The following SASH3 variants were observed in gnomAD, a reference collection of about 807,000 sequenced individuals.
SASH3 encodes SAM and SH3 domain-containing protein 3.
In SASH3, 7 loss-of-function variants were observed where a neutral mutation model predicts 26.1. The observed-to-expected ratio is 0.27, with a 90% CI of 0.15 to 0.50. The LOEUF is 0.50. Among genes scored for constraint, SASH3 ranks in the 20% least tolerant of loss-of-function variants. The pLI is 0.98. For missense variants in SASH3, 231 were observed against 318.3 expected (o/e 0.73, Z 2.09); for synonymous variants, 138 against 136.8 (o/e 1.01, Z -0.06).
At chrX:129,784,041 C>G (rs748175059) in intron 1 of SASH3, among the ~76,000 whole-genome samples, 1 of 111,305 alleles carries the variant, frequency 9.0e-6, no homozygotes, top group African/African-American at 3.3e-5. Context: ...GATCAAGAAA[C>G]AACACTCTCA....
intron 1 of SASH3, among the ~76,000 whole-genome samples, chrX:129,781,553 A>G (rs2124070575): frequency 8.9e-6 from 1 of 112,202 alleles, no homozygotes; most frequent in African/African-American, 3.2e-5. Flanking sequence ...CTCTATAGAC[A>G]CTGCTAGGCC....
At chrX:129,789,170 A>AGAAAGAGAGAG (rs10683625) in intron 3 of SASH3, among the ~76,000 whole-genome samples, 4 of 48,293 alleles carry the variant, frequency 8.3e-5, no homozygotes, top group African/African-American at 5.7e-4. Flanking sequence ...AGAAAGAGAA[A>AGAAAGAGAGAG]AAAAAAAAAA....
rs1927263112 is a variant in SASH3 at position 129,793,121 on chromosome X, C to T, written c.934C>T (p.Leu312=). Residue 312 remains leucine, a synonymous_variant, in exon 7 of 8, where the codon CTG becomes TTG. Transcript: ENST00000356892. The stretch of plus-strand genomic sequence containing the variant: ...GGCCAAGCTGCTCACGGCCGCCGAG[C>T]TGCTGCTGGACTATGACAGTGAGTG... ...HRAKLLTAAE[L]LLDYDTGSEE... The T allele has an allele frequency of 8.3e-7, 1 of 1,211,847 alleles. No homozygotes were observed. The highest frequency in any genetic ancestry group is 3.0e-5 in the East Asian group (1 of 33,859).
chrX:129,782,216 C>A (rs951315012), intron 1 of SASH3, among the ~76,000 whole-genome samples: 1 of 111,977 alleles, frequency 8.9e-6, no homozygotes, highest in African/African-American at 3.3e-5. Context: ...TCCTAATCTG[C>A]CCCCCTCAAG....
In SASH3 at chrX:129,793,818, G is replaced by A. The variant is rs1927278681; in HGVS notation, c.1129G>A (p.Ala377Thr). Residue 377 changes from alanine to threonine, a missense_variant, in exon 8 of 8, where the codon GCC becomes ACC. Coordinates refer to ENST00000356892, the MANE Select transcript of SASH3 (RefSeq NM_018990.4). ...GGAGCAGCTGCAAGGCCTCTCCCTG[G>A]CCGGGGCACCTTGAGGTGGCGGTGG... Reference protein sequence around the residue: ...TEEQLQGLSLAGAP With the variant: ...TEEQLQGLSLTGAP The A allele has an allele frequency of 1.7e-6, 2 of 1,185,933 alleles. No homozygotes were observed.
rs554752094 is a variant in SASH3, at chrX:129,790,602, C to T, written c.301-338C>T. On this transcript the variant is annotated intron_variant, in intron 3 of 7. Transcript: ENST00000356892. ...CAGGCAAAAGTAGTTTCCTCTCTAG[C>T]GACATTGTCTGCCCAGTTGTGCGGT... Among the ~76,000 whole-genome samples, 55 of 111,410 alleles carry T rather than the reference C, an allele frequency of 4.9e-4. No individual in the cohort carries two copies. In the South Asian group the frequency reaches 0.02, roughly 41 times the overall value.
chrX:129,793,131 A>C lies in SASH3; in HGVS notation c.944A>C (p.Asp315Ala). The C allele has an allele frequency of 8.3e-7, 1 of 1,211,858 alleles. No individual in the cohort carries two copies. The highest frequency in any genetic ancestry group is 1.1e-6 in the Non-Finnish European group (1 of 895,512). ...KLLTAAELLL[D>A]YDTGSEEAEE... ...CTCACGGCCGCCGAGCTGCTGCTGGACTATGACAGTGAGTGGCTTTAGGAG... is the reference window on the plus strand; with the variant it reads ...CTCACGGCCGCCGAGCTGCTGCTGGCCTATGACAGTGAGTGGCTTTAGGAG... The change falls in exon 7 of 8, where the codon GAC (aspartate) becomes GCC (alanine). Residue 315 changes from aspartate (D) to alanine (A), a missense_variant. Transcript: ENST00000356892.
intron 1 of SASH3, among the ~76,000 whole-genome samples, chrX:129,787,073 G>T (rs1238305146): frequency 9.0e-6 from 1 of 110,537 alleles, no homozygotes. Context: ...AGGCCGAGGT[G>T]GGCAGATCAC....
At position 129,791,170 on chromosome X, in the gene SASH3, G is replaced by C; in HGVS notation, c.442+89G>C. Reference sequence around the variant, plus strand: ...TGGTGGCACACTGTCTGGGCGGGGGGTAAGAGAAATGAATGCTTACTCTTT... The same window carrying C: ...TGGTGGCACACTGTCTGGGCGGGGGCTAAGAGAAATGAATGCTTACTCTTT... On this transcript the variant is annotated intron_variant, in intron 4 of 7. Transcript: ENST00000356892. 3 of 987,127 alleles carry C rather than the reference G, an allele frequency of 3.0e-6. No homozygotes were observed. The South Asian group carries it at 6.7e-5, about 22-fold the overall frequency. The allele number at this position is 987,127 out of a possible 1,213,427, so 81.4% of individuals were successfully genotyped here.
intron 1 of SASH3, among the ~76,000 whole-genome samples, chrX:129,787,656 T>C (rs1040912821): frequency 1.8e-5 from 2 of 112,033 alleles, no homozygotes; most frequent in Non-Finnish European, 3.8e-5. Flanking sequence ...TTACTCTGAC[T>C]CATGTAGTCT....
chrX:129,781,345 C>G (rs1602923972), intron 1 of SASH3, among the ~76,000 whole-genome samples: 1 of 111,794 alleles, frequency 8.9e-6, no homozygotes, highest in Admixed American at 9.4e-5. Flanking sequence ...TTCTCCCCAC[C>G]CCAGCTGCTT....
Position 129,792,760 on chromosome X carries a change from C to A in SASH3, c.725C>A (p.Pro242His). ...GAGGAGGCCGTGGGGCATGCCCGCCCCAGCCGCCGACAGAGCAAGGGCAAG... is the reference window on the plus strand; with the variant it reads ...GAGGAGGCCGTGGGGCATGCCCGCCACAGCCGCCGACAGAGCAAGGGCAAG... ...LPEEAVGHARPSRRQSKGKRP... is the reference protein window; with the variant it reads ...LPEEAVGHARHSRRQSKGKRP... The change falls in exon 6 of 8, where the codon CCC becomes CAC. Residue 242 changes from proline to histidine, a missense_variant. Coordinates refer to ENST00000356892, the MANE Select transcript of SASH3 (RefSeq NM_018990.4). 2 of 1,208,501 alleles carry A rather than the reference C, an allele frequency of 1.7e-6. No homozygotes were observed. The highest frequency in any genetic ancestry group is 2.2e-6 in the Non-Finnish European group (2 of 894,869).
intron 3 of SASH3, 45 bp from the exon 4 acceptor site, chrX:129,790,895 A>G: frequency 8.4e-7 from 1 of 1,184,264 alleles, no homozygotes; most frequent in Non-Finnish European, 1.1e-6. Flanking sequence ...CTTCATGCAC[A>G]CCCCAGCAAG....
At chrX:129,780,854 A>G (rs953206312) in intron 1 of SASH3, among the ~76,000 whole-genome samples, 1 of 112,270 alleles carries the variant, frequency 8.9e-6, no homozygotes, top group Admixed American at 9.4e-5. Context: ...GTAGGAGTGA[A>G]GGCTGAGGAG....
chrX:129,787,924 C>A, intron 1 of SASH3, 51 bp from the exon 2 acceptor site: 1 of 984,037 alleles, frequency 1.0e-6, no homozygotes, highest in South Asian at 2.0e-5. Context: ...AGTATGTGGG[C>A]CCTCGGGCAG....
In SASH3 at chrX:129,779,974, CAG is replaced by C; in HGVS notation, c.-121_-120del. On this transcript the variant is annotated 5_prime_UTR_variant, in exon 1 of 8. Coordinates refer to ENST00000356892, the MANE Select transcript of SASH3 (RefSeq NM_018990.4). ...ACCCCCAAGCTGCCACTGCAGCAGT[CAG>C]AGTGGCAGCTGAAGGCTCGGTTCAT... 1.6e-6 allele frequency: 1 copy of C among 621,749 alleles called. No homozygotes were observed. Among genetic ancestry groups the C allele is most frequent in the East Asian group, 3.5e-5 (1 of 28,895 alleles). The allele number at this position is 621,749 out of a possible 1,213,427, so 51.2% of individuals were successfully genotyped here. A position where few individuals can be genotyped will look rare whatever the true frequency, so the allele number is the denominator to read the frequency against.
chrX:129,790,105 C>A (rs888998628), intron 3 of SASH3, among the ~76,000 whole-genome samples: 4 of 111,247 alleles, frequency 3.6e-5, no homozygotes. Context: ...TTTGTAAAAA[C>A]GAACAAAGGT....
chrX:129,792,916 A>G, intron 6 of SASH3, 73 bp from the exon 7 acceptor site: 1 of 1,197,570 alleles, frequency 8.4e-7, no homozygotes, highest in Non-Finnish European at 1.1e-6. Context: ...AATGACAGCT[A>G]TGCGTAGTTG....
At chrX:129,789,169 A>AAGAAAG (rs112301444) in intron 3 of SASH3, among the ~76,000 whole-genome samples, 1 of 36,411 alleles carries the variant, frequency 2.7e-5, no homozygotes, top group Admixed American at 2.4e-4. Context: ...AAGAAAGAGA[A>AAGAAAG]AAAAAAAAAA....
Sources: allele counts gnomAD v4.1 joint callset (sites outside exome capture counted in the v4.1 genomes callset), GRCh38; gene constraint gnomAD v4.1.1; transcripts MANE v1.5; gene names NCBI Gene and HGNC (gene_info 2026-07-23, HGNC 2026-07-21).